Variants in MLX observed in about 807,000 individuals in gnomAD.
MLX encodes the protein max-like protein X.
MLX carries 15 observed loss-of-function variants against 33.0 expected under a neutral mutation model. That is an observed-to-expected ratio of 0.45 (90% CI 0.30 to 0.70). The LOEUF is 0.70. MLX is among the 30% of genes least tolerant of loss of function. MLX has a pLI of 0.07. For missense variants in MLX, 285 were observed against 306.3 expected (o/e 0.93, Z 0.52); for synonymous variants, 115 against 115.6 (o/e 0.99, Z 0.03).
chr17:42,568,127 C>T (rs747353654), intron 2 of MLX: 27 of 193,338 alleles, frequency 1.4e-4, no homozygotes, highest in Non-Finnish European at 2.6e-4. Context: ...TTTGGGAGGC[C>T]GAGGCAGGCG....
rs138365744 is a variant in MLX, at chr17:42,572,544, C to T, written c.*941C>T. 4.7e-4 allele frequency: 212 copies of T among 453,734 alleles called. 2 individuals carry two copies. The highest frequency in any genetic ancestry group is 2.7e-3 in the African/African-American group (135 of 50,048). The allele number at this position is 453,734 out of a possible 1,614,324, so 28.1% of individuals were successfully genotyped here. On this transcript the variant is annotated 3_prime_UTR_variant, in exon 8 of 8. Transcript: ENST00000435881. ...AAGCCCAGCAGGTCCTGAGTGAAGC[C>T]GTGGGCCCTCCAAATGCTCGTTTTA... is the stretch of plus-strand genomic sequence containing the variant.
At position 42,571,846 on chromosome 17, in the gene MLX, C is replaced by T. The variant is rs529047323; in HGVS notation, c.*243C>T. 5 of 532,024 alleles carry T rather than the reference C, an allele frequency of 9.4e-6. No homozygotes were observed. Among genetic ancestry groups the T allele is most frequent in the Admixed American group, 6.3e-5 (2 of 31,518 alleles). The allele number at this position is 532,024 out of a possible 1,614,324, so 33.0% of individuals were successfully genotyped here. ...ACTCAAACCTACCCAGCCTTCCCCCCACTCCATGGAAGTCCTTGGGATGGG... is the reference window on the plus strand; with the variant it reads ...ACTCAAACCTACCCAGCCTTCCCCCTACTCCATGGAAGTCCTTGGGATGGG... On this transcript the variant is annotated 3_prime_UTR_variant, in exon 8 of 8. Transcript: ENST00000435881.
chr17:42,572,869 G>A lies in MLX; in HGVS notation c.*1266G>A. 1 of 1,393,704 alleles carries A rather than the reference G, an allele frequency of 7.2e-7. No homozygotes were observed. The highest frequency in any genetic ancestry group is 1.0e-6 in the Non-Finnish European group (1 of 983,566). 86.3% of individuals were successfully genotyped at this position (1,393,704 alleles called of 1,614,324 possible). Reference sequence around the variant, plus strand: ...GCTCTGCTTAAAGGTGAAAGTAGCAGGAACAACAACAAAAGCCAACCAAAA... The same window carrying A: ...GCTCTGCTTAAAGGTGAAAGTAGCAAGAACAACAACAAAAGCCAACCAAAA... On this transcript the variant is annotated 3_prime_UTR_variant, in exon 8 of 8. Transcript: ENST00000435881.
intron 4 of MLX, 43 bp from the exon 5 acceptor site, chr17:42,569,161 T>A: frequency 6.4e-7 from 1 of 1,574,602 alleles, no homozygotes; most frequent in Non-Finnish European, 8.7e-7. Context: ...TTTGCTTTAA[T>A]CTCTCAGGGT....
Position 42,567,161 on chromosome 17 carries a change from G to T in MLX, c.37G>T (p.Val13Phe). The T allele has an allele frequency of 1.6e-6, 2 of 1,286,676 alleles. No individual in the cohort carries two copies. Among genetic ancestry groups the T allele is most frequent in the Non-Finnish European group, 2.0e-6 (2 of 1,016,582 alleles). 79.7% of individuals were successfully genotyped at this position (1,286,676 alleles called of 1,614,324 possible). The change falls in exon 1 of 8, where the codon GTC becomes TTC. Residue 13 changes from valine to phenylalanine, a missense_variant. Transcript: ENST00000435881. ...EPGASPEDPW[V>F]KVEYAYSDNS... ...GGGCGCCTCTCCCGAGGACCCTTGG[G>T]TCAAGGCAAGCCCCGTGGGCGCGCA... is the stretch of plus-strand genomic sequence containing the variant.
chr17:42,568,454 G>T lies in MLX; in HGVS notation c.80-16G>T. Reference sequence around the variant, plus strand: ...CCCCACCCCACCCCTTAGTGATTGGGGCCTCTCTTTTCCAGGGCTTTTTGT... The same window carrying T: ...CCCCACCCCACCCCTTAGTGATTGGTGCCTCTCTTTTCCAGGGCTTTTTGT... On this transcript the variant is annotated splice_polypyrimidine_tract_variant and intron_variant, in intron 2 of 7. Coordinates refer to ENST00000435881, the MANE Select transcript of MLX (RefSeq NM_198204.2). 6.2e-7 allele frequency: 1 copy of T among 1,607,196 alleles called. No individual in the cohort carries two copies. The highest frequency in any genetic ancestry group is 8.5e-7 in the Non-Finnish European group (1 of 1,173,916).
chr17:42,568,362 A>T, intron 2 of MLX, 108 bp from the exon 3 acceptor site: 1 of 501,948 alleles, frequency 2.0e-6, no homozygotes, highest in Non-Finnish European at 3.4e-6. Context: ...GACTCTGTCT[A>T]AAAAAAAAAT....
In MLX at chr17:42,571,655, C is replaced by T. The variant is rs775450492; in HGVS notation, c.*52C>T. 2.4e-5 allele frequency: 38 copies of T among 1,563,848 alleles called. No individual in the cohort carries two copies. Among genetic ancestry groups the T allele is most frequent in the Admixed American group, 8.3e-5 (5 of 59,924 alleles). On this transcript the variant is annotated 3_prime_UTR_variant, in exon 8 of 8. Coordinates refer to ENST00000435881, the MANE Select transcript of MLX (RefSeq NM_198204.2). Reference sequence around the variant, plus strand: ...CCAACAAGAGGCCCTTGAATCTCTACGTGGCCACTGAACTGCTGGGCCCGG... The same window carrying T: ...CCAACAAGAGGCCCTTGAATCTCTATGTGGCCACTGAACTGCTGGGCCCGG...
At chr17:42,570,578 T>C (rs978013083) in intron 7 of MLX, among the ~76,000 whole-genome samples, 3 of 152,246 alleles carry the variant, frequency 2.0e-5, no homozygotes, top group African/African-American at 4.8e-5. Flanking sequence ...CTAATGGTAT[T>C]GCACTAAGTC....
chr17:42,568,512 G>A lies in MLX; in HGVS notation c.122G>A (p.Arg41Lys), dbSNP rs2093018114. Residue 41 changes from arginine (R) to lysine (K), a missense_variant, in exon 3 of 8, where the codon AGA (arginine) becomes AAA (lysine). Arg to Lys is a conservative substitution (Grantham distance 26, BLOSUM62 2). Transcript: ENST00000435881. ...ACCCGCAAGGGGAGTGTAGTGTCCA[G>A]AGCTAATAGCATCGGTTCCACCAGT... ...ESTRKGSVVS[R>K]ANSIGSTSAS... 3 of 1,613,810 alleles carry A rather than the reference G, an allele frequency of 1.9e-6. No homozygotes were observed. The African/African-American group carries it at 4.0e-5, about 22-fold the overall frequency.
intron 1 of MLX, chr17:42,567,372 G>A (rs769644701): frequency 1.4e-6 from 2 of 1,410,892 alleles, no homozygotes; most frequent in African/African-American, 2.9e-5. Context: ...CGGGGGAACG[G>A]GGCACTGGGG....
chr17:42,568,981 G>T, intron 4 of MLX, 38 bp downstream of exon 4: 8 of 1,569,994 alleles, frequency 5.1e-6, no homozygotes, highest in Non-Finnish European at 6.1e-6. Flanking sequence ...AGTGCGGGAG[G>T]GCCCTGCATA....
intron 6 of MLX, 26 bp from the exon 7 acceptor site, chr17:42,569,956 C>G: frequency 6.2e-7 from 1 of 1,610,132 alleles, no homozygotes; most frequent in Non-Finnish European, 8.5e-7. Context: ...GCTGCAGCAC[C>G]TCAGCCCTGG....
In MLX at chr17:42,571,853, T is replaced by C. The variant is rs2093034644; in HGVS notation, c.*250T>C. 1 of 517,788 alleles carries C rather than the reference T, an allele frequency of 1.9e-6. No homozygotes were observed. 32.1% of individuals were successfully genotyped at this position (517,788 alleles called of 1,614,324 possible). On this transcript the variant is annotated 3_prime_UTR_variant, in exon 8 of 8. Transcript: ENST00000435881. Reference sequence around the variant, plus strand: ...CCTACCCAGCCTTCCCCCCACTCCATGGAAGTCCTTGGGATGGGCGTCTGC... The same window carrying C: ...CCTACCCAGCCTTCCCCCCACTCCACGGAAGTCCTTGGGATGGGCGTCTGC...
In MLX at chr17:42,572,942, C is replaced by G. The variant is rs776902601; in HGVS notation, c.*1339C>G. On this transcript the variant is annotated 3_prime_UTR_variant, in exon 8 of 8. Coordinates refer to ENST00000435881, the MANE Select transcript of MLX (RefSeq NM_198204.2). The stretch of plus-strand genomic sequence containing the variant: ...TCTCACTCTTCTGACATCCTGCAGT[C>G]CCCACCAGTCCTGACCGTGGGCCCC... 1.2e-6 allele frequency: 2 copies of G among 1,612,854 alleles called. No individual in the cohort carries two copies. The highest frequency in any genetic ancestry group is 1.7e-6 in the Non-Finnish European group (2 of 1,179,164).
chr17:42,571,542 G>C lies in MLX; in HGVS notation c.679-5G>C, dbSNP rs183902628. On this transcript the variant is annotated splice_polypyrimidine_tract_variant and splice_region_variant and intron_variant, in intron 7 of 7. Coordinates refer to ENST00000435881, the MANE Select transcript of MLX (RefSeq NM_198204.2). ...GTCTATTTCTTCCTCTGCTGCCCTC[G>C]CCAGACCCTGCGGGAGATTGTGATT... is the stretch of plus-strand genomic sequence containing the variant. The C allele has an allele frequency of 8.1e-6, 13 of 1,613,958 alleles. No individual in the cohort carries two copies. Among genetic ancestry groups the C allele is most frequent in the Middle Eastern group, 3.3e-4 (2 of 6,084 alleles).
At position 42,567,636 on chromosome 17, in the gene MLX, CGACAACAGCCTG is replaced by C. The variant is rs756001491; in HGVS notation, c.64_75del (p.Asn22_Asp25del). 1.9e-6 allele frequency: 3 copies of C among 1,613,948 alleles called. No homozygotes were observed. The highest frequency in any genetic ancestry group is 1.7e-5 in the Admixed American group (1 of 59,994). ...TGCCGCAGGTGGAGTATGCCTACAG[CGACAACAGCCTG>C]GACCCCGGTGAGTAGCTGCCCCATC... On this transcript the variant is annotated inframe_deletion, in exon 2 of 8. Coordinates refer to ENST00000435881, the MANE Select transcript of MLX (RefSeq NM_198204.2).
chr17:42,569,065 C>T (rs2093020683), intron 4 of MLX, 122 bp downstream of exon 4: 1 of 1,255,472 alleles, frequency 8.0e-7, no homozygotes, highest in Non-Finnish European at 1.2e-6. Flanking sequence ...AGTATAGTCC[C>T]AGGCACAAAC....
chr17:42,568,753 T>C (rs1317159111), intron 3 of MLX, 84 bp from the exon 4 acceptor site: 1 of 1,269,732 alleles, frequency 7.9e-7, no homozygotes, highest in African/African-American at 1.5e-5. Context: ...GGACACCAGG[T>C]TCTTCCCAGC....
Sources: gnomAD v4.1 joint callset for allele counts (sites outside exome capture counted in the v4.1 genomes callset) on GRCh38, gnomAD v4.1.1 for gene constraint, MANE v1.5 for transcripts, NCBI Gene and HGNC (gene_info 2026-07-23, HGNC 2026-07-21) for gene names.